The following GRAMD1C variants were observed in gnomAD, a reference collection of about 807,000 sequenced individuals.
The protein encoded by GRAMD1C is GRAM domain containing 1C, also known as protein Aster-C.
A neutral mutation model predicts 97.8 loss-of-function variants in GRAMD1C; 89 were observed. The ratio of observed to expected loss-of-function variants is 0.91; its 90% CI spans 0.77 to 1.09. GRAMD1C has a LOEUF of 1.09. Among genes scored for constraint, GRAMD1C ranks in the 50% least tolerant of loss-of-function variants. The pLI, the probability that GRAMD1C is intolerant of heterozygous loss-of-function variation, is 0.00. For missense variants in GRAMD1C, 740 were observed against 766.4 expected (o/e 0.97, Z 0.41); for synonymous variants, 256 against 267.0 (o/e 0.96, Z 0.40).
At chr3:113,850,062 C>CG (rs1034332033) in intron 2 of GRAMD1C, among the ~76,000 whole-genome samples, 1 of 151,796 alleles carries the variant, frequency 6.6e-6, no homozygotes, top group African/African-American at 2.4e-5. Context: ...GCTGGCCGGA[C>CG]GGGGGGCTGA....
chr3:113,926,182 G>T (rs1937225638), intron 10 of GRAMD1C, among the ~76,000 whole-genome samples: 1 of 152,182 alleles, frequency 6.6e-6, no homozygotes, highest in Non-Finnish European at 1.5e-5. Context: ...GTCTTTCAGG[G>T]ATGCCAGTGA....
chr3:113,849,270 T>A lies in GRAMD1C; in HGVS notation c.174+4621T>A, dbSNP rs561305373. Reference sequence around the variant, plus strand: ...GCTTTGGATAAGCTAGTTAATATTTTATTTATTTATTTATTTATTTATTTA... The same window carrying A: ...GCTTTGGATAAGCTAGTTAATATTTAATTTATTTATTTATTTATTTATTTA... On this transcript the variant is annotated intron_variant, in intron 2 of 17. Coordinates refer to ENST00000358160, the MANE Select transcript of GRAMD1C (RefSeq NM_017577.5). 2.2e-3 allele frequency among the ~76,000 whole-genome samples: 259 copies of A among 119,740 alleles called. 2 individuals are homozygous for A. In the East Asian group the frequency reaches 0.028, roughly 13 times the overall value. The allele number at this position is 119,740 out of a possible 152,430, so 78.6% of individuals were successfully genotyped here. A position where few individuals can be genotyped will look rare whatever the true frequency, so the allele number is the denominator to read the frequency against.
intron 17 of GRAMD1C, among the ~76,000 whole-genome samples, chr3:113,940,758 G>C (rs1169687056): frequency 6.6e-6 from 1 of 151,986 alleles, no homozygotes; most frequent in Non-Finnish European, 1.5e-5. Context: ...ATATATCTTG[G>C]AGATACTTCC....
At chr3:113,899,260 T>C (rs1481818866) in intron 6 of GRAMD1C, among the ~76,000 whole-genome samples, 1 of 152,214 alleles carries the variant, frequency 6.6e-6, no homozygotes, top group Non-Finnish European at 1.5e-5. Context: ...ACTTTTCCCA[T>C]TTCTCCATTT....
At chr3:113,881,968 A>G (rs1036014652) in intron 5 of GRAMD1C, among the ~76,000 whole-genome samples, 11 of 152,192 alleles carry the variant, frequency 7.2e-5, no homozygotes, top group Non-Finnish European at 4.4e-5. Flanking sequence ...ATTTTACTTA[A>G]TAAAATAACT....
At chr3:113,851,710 G>T (rs1933913294) in intron 2 of GRAMD1C, among the ~76,000 whole-genome samples, 1 of 151,746 alleles carries the variant, frequency 6.6e-6, no homozygotes, top group South Asian at 2.1e-4. Flanking sequence ...TAGAGATGGG[G>T]TTTCACCATG....
chr3:113,904,150 A>AG lies in GRAMD1C; in HGVS notation c.668dup (p.Ser224LysfsTer5). On this transcript the variant is annotated frameshift_variant, in exon 8 of 18. Coordinates refer to ENST00000358160, the MANE Select transcript of GRAMD1C (RefSeq NM_017577.5). LOFTEE classifies it high-confidence loss of function. The stretch of plus-strand genomic sequence containing the variant: ...ATGTGTTTCTTACAGAAGTCCAGGA[A>AG]GAAGCAGCTTGGATGACTCTGGGGA... 1 of 1,610,234 alleles carries AG rather than the reference A, an allele frequency of 6.2e-7. No individual in the cohort carries two copies. The highest frequency in any genetic ancestry group is 8.5e-7 in the Non-Finnish European group (1 of 1,176,722).
At chr3:113,893,483 T>C (rs1243707985) in intron 6 of GRAMD1C, among the ~76,000 whole-genome samples, 1 of 152,220 alleles carries the variant, frequency 6.6e-6, no homozygotes, top group Non-Finnish European at 1.5e-5. Context: ...GTCAGGTTCT[T>C]TCTTTTAGTT....
intron 14 of GRAMD1C, among the ~76,000 whole-genome samples, chr3:113,937,447 G>C (rs953210048): frequency 7.2e-5 from 11 of 152,154 alleles, no homozygotes; most frequent in Admixed American, 3.3e-4. Context: ...ATTATTTGGA[G>C]AGATATTTGC....
chr3:113,902,864 C>T (rs1380534644), intron 7 of GRAMD1C, among the ~76,000 whole-genome samples: 1 of 151,998 alleles, frequency 6.6e-6, no homozygotes, highest in Non-Finnish European at 1.5e-5. Context: ...TGGTCTTGAA[C>T]TCCTGACCTT....
Position 113,942,169 on chromosome 3 carries a change from C to T in GRAMD1C, c.1908+1824C>T, listed in dbSNP as rs1479838407. 2.6e-5 allele frequency among the ~76,000 whole-genome samples: 4 copies of T among 151,994 alleles called. 1 individual carries two copies. Among genetic ancestry groups the T allele is most frequent in the African/African-American group, 9.7e-5 (4 of 41,334 alleles). ...GCTCAGCAGATCTACCTGCCTTGGC[C>T]TCCCAAAGTGTTGGGATTGCAGGCA... On this transcript the variant is annotated intron_variant, in intron 17 of 17. Transcript: ENST00000358160.
rs116643192 is a variant in GRAMD1C at position 113,850,482 on chromosome 3, T to G, written c.174+5833T>G. 9.6e-4 allele frequency: 1,449 copies of G among 1,510,580 alleles called. 12 individuals are homozygous for G. The African/African-American group carries it at 0.017, about 18-fold the overall frequency. 93.6% of individuals were successfully genotyped at this position (1,510,580 alleles called of 1,614,324 possible). ...GTGGCAGCACAGTCTCCGGGGCAGA[T>G]GAAGATAATCATGGAGATACTGGAT... On this transcript the variant is annotated intron_variant, in intron 2 of 17. Transcript: ENST00000358160.
chr3:113,834,349 T>C (rs138950618), upstream of GRAMD1C, among the ~76,000 whole-genome samples: 997 of 152,076 alleles, frequency 6.6e-3, 12 homozygotes, highest in African/African-American at 0.023. Context: ...CTGGCTAATT[T>C]TTGCATTTTA....
chr3:113,904,942 C>A (rs1287425543), intron 8 of GRAMD1C, among the ~76,000 whole-genome samples: 4 of 152,166 alleles, frequency 2.6e-5, no homozygotes, highest in Admixed American at 6.5e-5. Context: ...TCAAACAATT[C>A]TCCGGCCTCA....
chr3:113,884,713 C>T (rs1935385587), intron 6 of GRAMD1C, among the ~76,000 whole-genome samples: 1 of 151,932 alleles, frequency 6.6e-6, no homozygotes, highest in African/African-American at 2.4e-5. Flanking sequence ...GTGGCGGGCA[C>T]CTGTAGTCCC....
At chr3:113,929,856 A>G (rs555798454) in intron 10 of GRAMD1C, among the ~76,000 whole-genome samples, 2 of 152,314 alleles carry the variant, frequency 1.3e-5, no homozygotes, top group Admixed American at 1.3e-4. Flanking sequence ...GATGATGAGT[A>G]TAATGGGGTT....
chr3:113,845,079 G>T (rs1203733844), intron 2 of GRAMD1C: 2 of 152,540 alleles, frequency 1.3e-5, no homozygotes, highest in Non-Finnish European at 2.9e-5. Context: ...ACTATAAGAT[G>T]GTTTTAAAGT....
At chr3:113,885,760 G>T (rs1332270188) in intron 6 of GRAMD1C, 26 of 1,588,636 alleles carry the variant, frequency 1.6e-5, no homozygotes, top group Non-Finnish European at 2.1e-5. Flanking sequence ...CTTAAGAGGA[G>T]ATATTACAGA....
At chr3:113,854,463 A>C (rs1934041276) in intron 2 of GRAMD1C, among the ~76,000 whole-genome samples, 1 of 152,182 alleles carries the variant, frequency 6.6e-6, no homozygotes, top group Admixed American at 6.5e-5. Context: ...CTCAAAGGCA[A>C]GTGAAGGAAG....
Sources: gnomAD v4.1 joint callset for allele counts (sites outside exome capture counted in the v4.1 genomes callset) on GRCh38, gnomAD v4.1.1 for gene constraint, MANE v1.5 for transcripts, NCBI Gene and HGNC (gene_info 2026-07-23, HGNC 2026-07-21) for gene names.